Variants in SLIT3 observed in about 807,000 individuals in gnomAD.
SLIT3 encodes slit homolog 3 protein.
In SLIT3, 68 loss-of-function variants were observed where a neutral mutation model predicts 184.0. That is an observed-to-expected ratio of 0.37 (90% CI 0.30 to 0.45). The LOEUF (loss-of-function observed/expected upper bound fraction) is 0.45. Among genes scored for constraint, SLIT3 ranks in the 20% least tolerant of loss-of-function variants. The pLI, the probability that SLIT3 is intolerant of heterozygous loss-of-function variation, is 1.00. For missense variants in SLIT3, 1,707 were observed against 2,026.0 expected (o/e 0.84, Z 3.02); for synonymous variants, 831 against 828.6 (o/e 1.00, Z -0.05).
Position 169,178,857 on chromosome 5 carries a change from C to T in SLIT3, c.413+14622G>A, listed in dbSNP as rs541180942. Among the ~76,000 whole-genome samples, 11 of 152,304 alleles carry T rather than the reference C, an allele frequency of 7.2e-5. No homozygotes were observed. In the South Asian group the frequency reaches 2.3e-3, roughly 32 times the overall value. Reference sequence around the variant, plus strand: ...GATGAAGTCAGGTTGTTCCTAACAGCAGCCTCTCTCATTGACTTTATTGCT... The same window carrying T: ...GATGAAGTCAGGTTGTTCCTAACAGTAGCCTCTCTCATTGACTTTATTGCT... On this transcript the variant is annotated intron_variant, in intron 4 of 35. Transcript: ENST00000519560.
intron 4 of SLIT3, among the ~76,000 whole-genome samples, chr5:168,980,555 T>C (rs946381367): frequency 1.3e-5 from 2 of 152,194 alleles, no homozygotes; most frequent in Non-Finnish European, 2.9e-5. Flanking sequence ...TCTCCACACT[T>C]CAAGCTCTTT....
intron 3 of SLIT3, among the ~76,000 whole-genome samples, chr5:169,212,791 T>C (rs1281547615): frequency 8.5e-5 from 13 of 152,218 alleles, no homozygotes; most frequent in Admixed American, 7.2e-4. Flanking sequence ...TAATTTTTGC[T>C]TAAGTCTTTA....
intron 3 of SLIT3, among the ~76,000 whole-genome samples, chr5:169,200,949 A>G (rs1253174496): frequency 6.6e-6 from 1 of 152,262 alleles, no homozygotes; most frequent in Non-Finnish European, 1.5e-5. Flanking sequence ...CTAATGGCTT[A>G]CAGACTCAAT....
chr5:168,893,661 A>C (rs1462648808), intron 4 of SLIT3, among the ~76,000 whole-genome samples: 1 of 152,178 alleles, frequency 6.6e-6, no homozygotes. Context: ...TCTCTTCTTC[A>C]CAAAGACATT....
At chr5:168,789,422 T>C in intron 11 of SLIT3, 138 bp downstream of exon 11, 1 of 610,472 alleles carries the variant, frequency 1.6e-6, no homozygotes. Flanking sequence ...AAATATTTGT[T>C]TCTTTTACCA....
chr5:169,043,862 G>A (rs1480063144), intron 4 of SLIT3, among the ~76,000 whole-genome samples: 2 of 152,206 alleles, frequency 1.3e-5, no homozygotes, highest in East Asian at 1.9e-4. Flanking sequence ...AGAGTCATCC[G>A]AACTGGGAGC....
Position 168,784,904 on chromosome 5 carries a change from C to A in SLIT3, c.1151+1003G>T, listed in dbSNP as rs1316894307. On this transcript the variant is annotated intron_variant, in intron 12 of 35. Transcript: ENST00000519560. ...ACACACACACGCACACACACACCTG[C>A]ACACCTCTGCAAACATACATCATGT... Among the ~76,000 whole-genome samples the A allele has an allele frequency of 4.7e-5, 7 of 150,396 alleles. No homozygotes were observed. The East Asian group carries it at 1.2e-3, about 25-fold the overall frequency.
chr5:168,885,826 A>T (rs1760181485), intron 4 of SLIT3, among the ~76,000 whole-genome samples: 1 of 152,214 alleles, frequency 6.6e-6, no homozygotes, highest in East Asian at 1.9e-4. Flanking sequence ...ACATCCCATA[A>T]TACACTGGGA....
At chr5:168,773,274 C>A (rs1197913820) in intron 13 of SLIT3, among the ~76,000 whole-genome samples, 1 of 152,184 alleles carries the variant, frequency 6.6e-6, no homozygotes, top group African/African-American at 2.4e-5. Flanking sequence ...TCATGGTTTG[C>A]ACTTGGGGTA....
chr5:169,103,826 C>T (rs1326541628), intron 4 of SLIT3, among the ~76,000 whole-genome samples: 1 of 152,176 alleles, frequency 6.6e-6, no homozygotes, highest in African/African-American at 2.4e-5. Flanking sequence ...CAGCTCCCGA[C>T]CTCGTCTCTC....
intron 1 of SLIT3, among the ~76,000 whole-genome samples, chr5:169,290,200 C>T (rs1263449456): frequency 6.6e-6 from 1 of 151,438 alleles, no homozygotes; most frequent in African/African-American, 2.4e-5. Flanking sequence ...TGCACTAGGA[C>T]ATATGCTAGG....
chr5:168,856,329 G>T (rs745834309), intron 5 of SLIT3, among the ~76,000 whole-genome samples: 7 of 152,160 alleles, frequency 4.6e-5, no homozygotes, highest in Non-Finnish European at 5.9e-5. Flanking sequence ...CGACATCACA[G>T]TGAAAGGTAG....
At chr5:169,092,234 C>T (rs1012055919) in intron 4 of SLIT3, among the ~76,000 whole-genome samples, 1 of 152,072 alleles carries the variant, frequency 6.6e-6, no homozygotes, top group African/African-American at 2.4e-5. Context: ...AAAAAAAAGA[C>T]TCAGAGGTAG....
chr5:169,229,121 G>A (rs1764905584), intron 3 of SLIT3, among the ~76,000 whole-genome samples: 1 of 152,068 alleles, frequency 6.6e-6, no homozygotes, highest in African/African-American at 2.4e-5. Context: ...GGAGACATAA[G>A]CATTTTGAGA....
intron 10 of SLIT3, 23 bp downstream of exon 10, chr5:168,795,484 A>G (rs1756533484): frequency 6.3e-7 from 1 of 1,591,238 alleles, no homozygotes; most frequent in Non-Finnish European, 8.6e-7. Context: ...ATTTGGGCCC[A>G]TTTCTCCACA....
At chr5:169,188,563 G>A (rs1245248378) in intron 4 of SLIT3, among the ~76,000 whole-genome samples, 2 of 152,092 alleles carry the variant, frequency 1.3e-5, no homozygotes, top group African/African-American at 2.4e-5. Context: ...CACTCCAAGT[G>A]CAGTGTTCAT....
At position 168,924,265 on chromosome 5, in the gene SLIT3, G is replaced by A. The variant is rs187340279; in HGVS notation, c.414-40929C>T. ...CTGGACTGGACCATGTGTTTCTGGG[G>A]CACAGACTTTTGGGATCCAGGGCAC... On this transcript the variant is annotated intron_variant, in intron 4 of 35. Coordinates refer to ENST00000519560, the MANE Select transcript of SLIT3 (RefSeq NM_003062.4). Among the ~76,000 whole-genome samples, 4 of 152,238 alleles carry A rather than the reference G, an allele frequency of 2.6e-5. No homozygotes were observed. The East Asian group carries it at 7.7e-4, about 29-fold the overall frequency.
At chr5:169,065,038 A>G (rs1758302262) in intron 4 of SLIT3, among the ~76,000 whole-genome samples, 1 of 152,264 alleles carries the variant, frequency 6.6e-6, no homozygotes, top group Admixed American at 6.5e-5. Context: ...GGAAATTATT[A>G]GTATGGTCCT....
intron 4 of SLIT3, among the ~76,000 whole-genome samples, chr5:169,043,189 A>G (rs922847861): frequency 2.6e-5 from 4 of 152,236 alleles, no homozygotes; most frequent in African/African-American, 7.2e-5. Flanking sequence ...CCGAGGTCAT[A>G]CAGCCAGCGC....
Sources: allele counts gnomAD v4.1 joint callset (sites outside exome capture counted in the v4.1 genomes callset), GRCh38; gene constraint gnomAD v4.1.1; transcripts MANE v1.5; gene names NCBI Gene and HGNC (gene_info 2026-07-23, HGNC 2026-07-21).